Variants in NOL10 observed in about 807,000 individuals in gnomAD.
The protein encoded by NOL10 is H_NH0074G24.1.
Under a neutral mutation model 103.5 loss-of-function variants are expected in NOL10, and 58 were observed. The ratio of observed to expected loss-of-function variants is 0.56; its 90% CI spans 0.45 to 0.70. The LOEUF (loss-of-function observed/expected upper bound fraction) is 0.70, where lower values mean the gene tolerates loss of function less well. Among genes scored for constraint, NOL10 ranks in the 30% least tolerant of loss-of-function variants. The pLI is 0.00. For synonymous variants in NOL10, 287 were observed against 282.5 expected (o/e 1.02, Z -0.16); for missense variants, 763 against 807.3 (o/e 0.95, Z 0.67).
At chr2:10,575,961 C>T (rs1317709306) in intron 20 of NOL10, among the ~76,000 whole-genome samples, 1 of 152,216 alleles carries the variant, frequency 6.6e-6, no homozygotes, top group Non-Finnish European at 1.5e-5. Flanking sequence ...ACAGAATTAA[C>T]TGAAAAGCTT....
In NOL10 at chr2:10,606,271, A is replaced by G. The variant is rs367589806; in HGVS notation, c.1153+914T>C. On this transcript the variant is annotated intron_variant, in intron 14 of 20. Coordinates refer to ENST00000381685, the MANE Select transcript of NOL10 (RefSeq NM_024894.4). ...AGTTTCCTTATCTAATGGAATCATAATAGTACCCAATCCATAGGGATGTGA... is the reference window on the plus strand; with the variant it reads ...AGTTTCCTTATCTAATGGAATCATAGTAGTACCCAATCCATAGGGATGTGA... Among the ~76,000 whole-genome samples the G allele has an allele frequency of 1.9e-3, 290 of 151,934 alleles. 2 individuals are homozygous for G. Among genetic ancestry groups the G allele is most frequent in the African/African-American group, 6.7e-3 (279 of 41,448 alleles).
At chr2:10,591,878 C>CT (rs1675409033) in intron 17 of NOL10, among the ~76,000 whole-genome samples, 1 of 152,132 alleles carries the variant, frequency 6.6e-6, no homozygotes, top group Non-Finnish European at 1.5e-5. Flanking sequence ...TGGTGCATGC[C>CT]TGTAGTCCCA....
At chr2:10,572,751 A>C (rs890214750) in intron 20 of NOL10, among the ~76,000 whole-genome samples, 1 of 152,212 alleles carries the variant, frequency 6.6e-6, no homozygotes, top group African/African-American at 2.4e-5. Context: ...CTTCTCCTTA[A>C]AAGCAGCAAA....
At chr2:10,686,870 T>C (rs1682249197) in intron 1 of NOL10, among the ~76,000 whole-genome samples, 1 of 138,138 alleles carries the variant, frequency 7.2e-6, no homozygotes. Flanking sequence ...AAGCTGGTGT[T>C]CTACTTTGGA....
chr2:10,682,148 C>T, intron 2 of NOL10, 79 bp from the exon 3 acceptor site: 3 of 524,980 alleles, frequency 5.7e-6, no homozygotes, highest in Non-Finnish European at 9.4e-6. Context: ...GGGTACCAAG[C>T]AGTCACCACA....
chr2:10,654,401 TTTTA>T (rs770893620), intron 12 of NOL10, 76 bp downstream of exon 12: 55 of 1,051,072 alleles, frequency 5.2e-5, no homozygotes, highest in Non-Finnish European at 4.7e-5. Context: ...AGTATAGCCT[TTTTA>T]TTTGTCTCAC....
chr2:10,666,385 C>T (rs762845408), intron 8 of NOL10, among the ~76,000 whole-genome samples: 10 of 151,844 alleles, frequency 6.6e-5, no homozygotes, highest in African/African-American at 9.7e-5. Context: ...CTCGCTCTGT[C>T]ACCCAGGCGG....
At chr2:10,600,531 GTTATT>G (rs1397099368) in intron 17 of NOL10, among the ~76,000 whole-genome samples, 9 of 152,172 alleles carry the variant, frequency 5.9e-5, no homozygotes, top group East Asian at 1.9e-4. Flanking sequence ...AACCACCTGT[GTTATT>G]TTAAAGAATC....
rs113039216 is a variant in NOL10 at position 10,663,191 on chromosome 2, ACT to A, written c.592-149_592-148del. ...AGACTAGTCTGACTAACATGGCGAAACTCTGTTTCTACTAAAAATACAAAAAA... is the reference window on the plus strand; with the variant it reads ...AGACTAGTCTGACTAACATGGCGAAACTGTTTCTACTAAAAATACAAAAAA... On this transcript the variant is annotated intron_variant, in intron 8 of 20. Transcript: ENST00000381685. The A allele has an allele frequency of 4.0e-3, 2,313 of 585,050 alleles. 53 individuals carry two copies. The highest frequency in any genetic ancestry group is 0.038 in the African/African-American group (2,055 of 53,380). 36.2% of individuals were successfully genotyped at this position (585,050 alleles called of 1,614,324 possible).
intron 13 of NOL10, among the ~76,000 whole-genome samples, chr2:10,627,978 A>C (rs935737112): frequency 4.6e-5 from 7 of 152,114 alleles, no homozygotes; most frequent in African/African-American, 1.7e-4. Flanking sequence ...AGTAAATCAT[A>C]TTTTTCATTC....
At chr2:10,645,391 T>A (rs963091171) in intron 12 of NOL10, among the ~76,000 whole-genome samples, 1 of 152,180 alleles carries the variant, frequency 6.6e-6, no homozygotes, top group Admixed American at 6.5e-5. Context: ...ATGATTAGAT[T>A]CTGTTTTTAA....
At chr2:10,629,058 A>T (rs983542525) in intron 13 of NOL10, among the ~76,000 whole-genome samples, 3 of 152,062 alleles carry the variant, frequency 2.0e-5, no homozygotes, top group Non-Finnish European at 4.4e-5. Flanking sequence ...ACTGCCTAAG[A>T]GTGCAAACAT....
intron 13 of NOL10, among the ~76,000 whole-genome samples, chr2:10,619,540 T>C (rs781177262): frequency 6.6e-5 from 10 of 152,220 alleles, no homozygotes; most frequent in Non-Finnish European, 1.5e-4. Flanking sequence ...CTCTTTTAAA[T>C]TCAAAACTGG....
intron 13 of NOL10, among the ~76,000 whole-genome samples, chr2:10,640,255 T>C (rs1044364076): frequency 6.6e-6 from 1 of 152,332 alleles, no homozygotes; most frequent in Middle Eastern, 3.4e-3. Context: ...TAAAATCTTA[T>C]GAAAAATGGC....
chr2:10,577,520 G>T, intron 20 of NOL10, 116 bp downstream of exon 20: 1 of 746,090 alleles, frequency 1.3e-6, no homozygotes, highest in Non-Finnish European at 2.2e-6. Flanking sequence ...AGGGAACACA[G>T]CTTCCTCAAT....
chr2:10,639,043 T>A (rs1365644715), intron 13 of NOL10, among the ~76,000 whole-genome samples: 1 of 151,468 alleles, frequency 6.6e-6, no homozygotes, highest in Non-Finnish European at 1.5e-5. Context: ...CCTTAAGTGA[T>A]CTGCCCATCT....
chr2:10,666,653 CGTAA>C (rs1193488465), intron 8 of NOL10, among the ~76,000 whole-genome samples: 2 of 150,974 alleles, frequency 1.3e-5, no homozygotes, highest in Non-Finnish European at 1.5e-5. Flanking sequence ...AGTTTAGCAT[CGTAA>C]GTAATTATAA....
chr2:10,650,400 A>G (rs1020707542), intron 12 of NOL10, among the ~76,000 whole-genome samples: 2 of 152,108 alleles, frequency 1.3e-5, no homozygotes, highest in African/African-American at 4.8e-5. Flanking sequence ...CCTGGCCTCA[A>G]GTGATCCTCC....
rs1028948618 is a variant in NOL10, at chr2:10,669,670, G to A, written c.465-947C>T. Among the ~76,000 whole-genome samples, 8 of 151,008 alleles carry A rather than the reference G, an allele frequency of 5.3e-5. No homozygotes were observed. In the East Asian group the frequency reaches 1.6e-3, roughly 30 times the overall value. ...ACACTTTGGGAGGCTGAGGTGGGCG[G>A]ATCACGAGGTCAAGAGACCGAGACC... On this transcript the variant is annotated intron_variant, in intron 6 of 20. Transcript: ENST00000381685.
Sources: allele counts gnomAD v4.1 joint callset (sites outside exome capture counted in the v4.1 genomes callset), GRCh38; gene constraint gnomAD v4.1.1; transcripts MANE v1.5; gene names NCBI Gene and HGNC (gene_info 2026-07-23, HGNC 2026-07-21).